KTN1: variants seen among roughly 807,000 people sequenced by gnomAD.
KTN1 encodes the protein kinectin.
In KTN1, 130 loss-of-function variants were observed where a neutral mutation model predicts 222.5. The ratio of observed to expected loss-of-function variants is 0.58; its 90% CI spans 0.51 to 0.68. KTN1 has a LOEUF of 0.68. Ranked by LOEUF, KTN1 falls within the 30% of genes least tolerant of loss-of-function variation. KTN1 has a pLI of 0.00. For synonymous variants in KTN1, 512 were observed against 496.3 expected (o/e 1.03, Z -0.42); for missense variants, 1,508 against 1,500.4 (o/e 1.01, Z -0.08).
chr14:55,636,684 T>G (rs1487756075), intron 10 of KTN1, 148 bp downstream of exon 10: 2 of 600,736 alleles, frequency 3.3e-6, no homozygotes, highest in African/African-American at 3.8e-5. Context: ...CTTTCTTTCT[T>G]TGACATTTGT....
intron 1 of KTN1, among the ~76,000 whole-genome samples, chr14:55,594,955 G>A (rs2034772421): frequency 6.6e-6 from 1 of 152,308 alleles, no homozygotes; most frequent in South Asian, 2.1e-4. Flanking sequence ...GGAGTTCAGA[G>A]TTACCTTGCA....
chr14:55,633,048 G>A (rs1405987819), intron 7 of KTN1, among the ~76,000 whole-genome samples, 187 bp from the exon 8 acceptor site: 2 of 152,108 alleles, frequency 1.3e-5, no homozygotes, highest in Non-Finnish European at 2.9e-5. Flanking sequence ...GTGACAGTTT[G>A]TATTTGATTT....
chr14:55,617,998 T>G lies in KTN1; in HGVS notation c.696T>G (p.Thr232=), dbSNP rs780182275. Residue 232 remains threonine (T), a synonymous_variant, in exon 4 of 44, where the codon ACT becomes ACG. Coordinates refer to ENST00000395314, the MANE Select transcript of KTN1 (RefSeq NM_001079521.2). ...ATGAACCCCTTATTCATGCAACTACTTATATTCCTTTGATGGATAATGCTG... is the reference window on the plus strand; with the variant it reads ...ATGAACCCCTTATTCATGCAACTACGTATATTCCTTTGATGGATAATGCTG... The part of the protein sequence containing the change: ...FVDEPLIHAT[T]YIPLMDNADS... 5.0e-6 allele frequency: 8 copies of G among 1,609,804 alleles called. No individual in the cohort carries two copies. In the South Asian group the frequency reaches 7.8e-5, roughly 16 times the overall value.
Position 55,612,484 on chromosome 14 carries a change from G to A in KTN1, c.436G>A (p.Val146Ile). The change falls in exon 2 of 44, where the codon GTC (valine) becomes ATC (isoleucine). Residue 146 changes from valine (V) to isoleucine (I), a missense_variant. By Grantham distance (29) the Val-to-Ile change is conservative (BLOSUM62 3). Coordinates refer to ENST00000395314, the MANE Select transcript of KTN1 (RefSeq NM_001079521.2). Reference protein sequence around the residue: ...SKIPGKKVEPVPVTKQPTPPS... With the variant: ...SKIPGKKVEPIPVTKQPTPPS... ...GATTCCTGGCAAAAAAGTAGAACCT[G>A]TCCCAGTTACTAAACAGCCCACCCC... 7 of 1,614,062 alleles carry A rather than the reference G, an allele frequency of 4.3e-6. No homozygotes were observed. The highest frequency in any genetic ancestry group is 5.9e-6 in the Non-Finnish European group (7 of 1,179,972).
At chr14:55,669,907 A>G (rs1442034181) in intron 34 of KTN1, among the ~76,000 whole-genome samples, 1 of 152,036 alleles carries the variant, frequency 6.6e-6, no homozygotes, top group Non-Finnish European at 1.5e-5. Context: ...TAAAAATTTC[A>G]TGAGTTTTTT....
intron 28 of KTN1, among the ~76,000 whole-genome samples, chr14:55,654,884 C>G (rs554106326): frequency 1.6e-4 from 25 of 152,274 alleles, no homozygotes; most frequent in Non-Finnish European, 3.5e-4. Flanking sequence ...GGCAGCACCC[C>G]CCGGCAACCA....
Position 55,653,098 on chromosome 14 carries a change from C to G in KTN1, c.2763+13C>G, listed in dbSNP as rs552811576. ...TAACTTGAAAGAGGTATAGTATAAA[C>G]AAATTACCAACATGTTACATAAGGA... On this transcript the variant is annotated intron_variant, in intron 27 of 43. Transcript: ENST00000395314. 6.8e-7 allele frequency: 1 copy of G among 1,473,428 alleles called. No homozygotes were observed. The highest frequency in any genetic ancestry group is 1.2e-5 in the South Asian group (1 of 85,154). 91.3% of individuals were successfully genotyped at this position (1,473,428 alleles called of 1,614,324 possible). A position where few individuals can be genotyped will look rare whatever the true frequency, so the allele number is the denominator to read the frequency against.
chr14:55,668,082 T>C (rs1040650018), intron 34 of KTN1: 4 of 152,072 alleles, frequency 2.6e-5, no homozygotes, highest in African/African-American at 7.2e-5. Context: ...AACTCAAACA[T>C]CAGAGCATTT....
intron 28 of KTN1, 116 bp from the exon 29 acceptor site, chr14:55,655,926 G>C (rs1160340880): frequency 1.8e-6 from 1 of 546,646 alleles, no homozygotes; most frequent in Non-Finnish European, 3.2e-6. Context: ...ATAATATGGG[G>C]GAAAAAAAGC....
chr14:55,608,042 T>C (rs1468581784), intron 1 of KTN1, among the ~76,000 whole-genome samples: 2 of 152,214 alleles, frequency 1.3e-5, no homozygotes, highest in African/African-American at 4.8e-5. Flanking sequence ...CAAACATGTA[T>C]TGAATTGTAT....
At chr14:55,625,025 T>C (rs1046825840) in intron 5 of KTN1, among the ~76,000 whole-genome samples, 1 of 152,158 alleles carries the variant, frequency 6.6e-6, no homozygotes, top group Non-Finnish European at 1.5e-5. Flanking sequence ...AGGGATGTTA[T>C]GTTGTGTGAG....
chr14:55,631,939 A>G (rs1301551764), intron 7 of KTN1, among the ~76,000 whole-genome samples: 1 of 151,852 alleles, frequency 6.6e-6, no homozygotes, highest in East Asian at 1.9e-4. Flanking sequence ...TTTTTTTGGT[A>G]AAATATTGCT....
chr14:55,666,354 A>G (rs1186661039), intron 33 of KTN1, among the ~76,000 whole-genome samples: 1 of 151,758 alleles, frequency 6.6e-6, no homozygotes, highest in Non-Finnish European at 1.5e-5. Flanking sequence ...TCACCTGTTG[A>G]ACTTTGTGAC....
intron 18 of KTN1, among the ~76,000 whole-genome samples, chr14:55,643,149 A>T (rs892191806): frequency 1.3e-5 from 2 of 152,128 alleles, no homozygotes; most frequent in African/African-American, 4.8e-5. Flanking sequence ...GCCTTAAGTG[A>T]TCTGCCTGCC....
chr14:55,590,562 A>G (rs1005914807), intron 1 of KTN1, among the ~76,000 whole-genome samples: 3 of 152,116 alleles, frequency 2.0e-5, no homozygotes, highest in African/African-American at 7.2e-5. Context: ...TAGTTTTGCC[A>G]GATCTAGTTG....
intron 11 of KTN1, 106 bp downstream of exon 11, chr14:55,637,470 G>T: frequency 1.2e-6 from 1 of 820,270 alleles, no homozygotes. Context: ...ATTCTGAAAT[G>T]ATGATGAATA....
At chr14:55,606,227 C>T (rs1393887051) in intron 1 of KTN1, among the ~76,000 whole-genome samples, 1 of 152,012 alleles carries the variant, frequency 6.6e-6, no homozygotes, top group African/African-American at 2.4e-5. Context: ...CTCTGGAAGC[C>T]TGTATATCTT....
intron 4 of KTN1, among the ~76,000 whole-genome samples, chr14:55,618,907 A>G (rs1349983729): frequency 6.6e-6 from 1 of 150,984 alleles, no homozygotes; most frequent in East Asian, 1.9e-4. Flanking sequence ...CTAGACACCT[A>G]AGTGATTTTT....
chr14:55,650,454 G>A (rs1231452671), intron 23 of KTN1, 36 bp downstream of exon 23: 19 of 1,549,754 alleles, frequency 1.2e-5, no homozygotes, highest in Non-Finnish European at 1.6e-5. Flanking sequence ...TTATGTTTTT[G>A]TTTATCAACT....
Sources: allele counts gnomAD v4.1 joint callset (sites outside exome capture counted in the v4.1 genomes callset), GRCh38; gene constraint gnomAD v4.1.1; transcripts MANE v1.5; gene names NCBI Gene and HGNC (gene_info 2026-07-23, HGNC 2026-07-21).